Variants in GRM6 observed in about 807,000 individuals in gnomAD.
GRM6 encodes the protein glutamate metabotropic receptor 6.
GRM6 carries 73 observed loss-of-function variants against 78.4 expected under a neutral mutation model. The ratio of observed to expected loss-of-function variants is 0.93; its 90% CI spans 0.77 to 1.13. The LOEUF is 1.13. GRM6 is among the 50% of genes most tolerant of loss of function. GRM6 has a pLI of 0.00. For synonymous variants in GRM6, 580 were observed against 555.0 expected (o/e 1.05, Z -0.63); for missense variants, 1,251 against 1,256.4 (o/e 1.00, Z 0.07).
Position 178,989,783 on chromosome 5 carries a change from C to T in GRM6, c.1013-378G>A, listed in dbSNP as rs1056109551. ...GAAGATGTAATGGGTGGAGCCTCAG[C>T]AGCCATCTTGTGACTATGAGACCAT... On this transcript the variant is annotated intron_variant, in intron 5 of 10. Coordinates refer to ENST00000517717, the MANE Select transcript of GRM6 (RefSeq NM_000843.4). 8 of 351,644 alleles carry T rather than the reference C, an allele frequency of 2.3e-5. No homozygotes were observed. In the East Asian group the frequency reaches 3.6e-4, roughly 16 times the overall value. The allele number at this position is 351,644 out of a possible 1,614,324, so 21.8% of individuals were successfully genotyped here.
In GRM6 at chr5:178,986,539, C is replaced by T. The variant is rs921855440; in HGVS notation, c.1715G>A (p.Arg572His). Reference protein sequence around the residue: ...MRPTPNHTGCRPTPVVRLSWS... With the variant: ...MRPTPNHTGCHPTPVVRLSWS... ...GCTCAGGCGCACCACAGGTGTGGGG[C>T]GGCAGCCCGTGTGGTTGGGCGTGGG... Residue 572 changes from arginine (R) to histidine (H), a missense_variant, in exon 9 of 11, where the codon CGC (arginine) becomes CAC (histidine). Physicochemically the swap from Arg to His is conservative, Grantham distance 29. Coordinates refer to ENST00000517717, the MANE Select transcript of GRM6 (RefSeq NM_000843.4). 7.5e-6 allele frequency: 12 copies of T among 1,607,444 alleles called. No homozygotes were observed. Among genetic ancestry groups the T allele is most frequent in the African/African-American group, 6.7e-5 (5 of 74,888 alleles).
rs989166177 is a variant in GRM6 at position 178,980,048 on chromosome 5, C to T, written c.*1609G>A. The T allele has an allele frequency of 3.2e-5, 5 of 154,290 alleles. No individual in the cohort carries two copies. Among genetic ancestry groups the T allele is most frequent in the African/African-American group, 4.8e-5 (2 of 41,494 alleles). The allele number at this position is 154,290 out of a possible 1,614,324, so 9.6% of individuals were successfully genotyped here. ...AAATGTGGAGAAGGAGAGTCAGTAG[C>T]GCAACAGAAATGTTTCTCAGAGGAG... On this transcript the variant is annotated 3_prime_UTR_variant, in exon 11 of 11. Transcript: ENST00000517717. The surrounding 1 kb of genome is among the most constrained non-coding windows in gnomAD (Gnocchi z 4.3).
intron 7 of GRM6, 94 bp from the exon 8 acceptor site, chr5:178,987,077 C>T (rs938735736): frequency 6.5e-5 from 85 of 1,304,974 alleles, no homozygotes; most frequent in Non-Finnish European, 8.3e-5. Context: ...AAAGGAGGAG[C>T]TTAACAAGCA....
chr5:178,989,246 C>G lies in GRM6; in HGVS notation c.1153+19G>C. The G allele has an allele frequency of 6.5e-7, 1 of 1,545,920 alleles. No individual in the cohort carries two copies. Among genetic ancestry groups the G allele is most frequent in the Non-Finnish European group, 8.9e-7 (1 of 1,125,032 alleles). On this transcript the variant is annotated intron_variant, in intron 6 of 10. Transcript: ENST00000517717. ...CCCTCCCCACCCTCCCCACCCTCAC[C>G]ACCCTGGGCAGCTCTCACCTGTGCA...
Position 178,989,387 on chromosome 5 carries a change from A to G in GRM6, c.1031T>C (p.Met344Thr), listed in dbSNP as rs781294205. 5.0e-6 allele frequency: 8 copies of G among 1,614,138 alleles called. No homozygotes were observed. The East Asian group carries it at 1.6e-4, about 31-fold the overall frequency. Reference sequence around the variant, plus strand: ...GCGGTTGTTCTCCAGGGATCGAGTCATGAAGTACTGGTCAAATCCTACAGA... The same window carrying G: ...GCGGTTGTTCTCCAGGGATCGAGTCGTGAAGTACTGGTCAAATCCTACAGA... ...ASIDGFDQYFMTRSLENNRRN... is the reference protein window; with the variant it reads ...ASIDGFDQYFTTRSLENNRRN... The change falls in exon 6 of 11, where the codon ATG becomes ACG. Residue 344 changes from methionine (M) to threonine (T), a missense_variant. Coordinates refer to ENST00000517717, the MANE Select transcript of GRM6 (RefSeq NM_000843.4).
At chr5:178,990,051 GC>G (rs1760644036) in intron 5 of GRM6, 2 of 197,366 alleles carry the variant, frequency 1.0e-5, no homozygotes, top group African/African-American at 4.6e-5. Flanking sequence ...AGGCTAAGAG[GC>G]CCTAGCAGCC....
rs746956679 is a variant in GRM6 at position 178,992,096 on chromosome 5, A to T, written c.505-13T>A. On this transcript the variant is annotated splice_polypyrimidine_tract_variant and intron_variant, in intron 2 of 10. Transcript: ENST00000517717. This position sits in a 1 kb window ranked among gnomAD's most constrained non-coding sequence, Gnocchi z 4.9. The stretch of plus-strand genomic sequence containing the variant: ...TGATCTGGGGTATCTGTGGGGCAGG[A>T]AGGACAGCTGGGCTGTGGATGGAGG... 3.1e-6 allele frequency: 5 copies of T among 1,599,196 alleles called. No individual in the cohort carries two copies. Among genetic ancestry groups the T allele is most frequent in the Non-Finnish European group, 3.4e-6 (4 of 1,167,278 alleles).
At chr5:178,989,538 T>C (rs1432846176) in intron 5 of GRM6, 133 bp from the exon 6 acceptor site, 1 of 1,135,356 alleles carries the variant, frequency 8.8e-7, no homozygotes, top group Non-Finnish European at 1.3e-6. Flanking sequence ...GAACTAGGCA[T>C]GGCCAGGTGA....
Position 178,994,748 on chromosome 5 carries a change from A to G in GRM6, c.197T>C (p.Val66Ala). 1 of 1,437,998 alleles carries G rather than the reference A, an allele frequency of 7.0e-7. No individual in the cohort carries two copies. The highest frequency in any genetic ancestry group is 1.3e-5 in the South Asian group (1 of 76,242). 89.1% of individuals were successfully genotyped at this position (1,437,998 alleles called of 1,614,324 possible). A position where few individuals can be genotyped will look rare whatever the true frequency, so the allele number is the denominator to read the frequency against. The change falls in exon 2 of 11, where the codon GTG becomes GCG. Residue 66 changes from valine to alanine, a missense_variant. Coordinates refer to ENST00000517717, the MANE Select transcript of GRM6 (RefSeq NM_000843.4). ...GTACAGCATGGCCTCCAGCCGGTGC[A>G]CGCCCTGCTCCTTCTTCAGCTGCCC... is the stretch of plus-strand genomic sequence containing the variant. ...ACGQLKKEQG[V>A]HRLEAMLYAL...
At position 178,994,956 on chromosome 5, in the gene GRM6, G is replaced by A; in HGVS notation, c.-12C>T. The A allele has an allele frequency of 8.6e-7, 1 of 1,163,584 alleles. No homozygotes were observed. Among genetic ancestry groups the A allele is most frequent in the Non-Finnish European group, 1.1e-6 (1 of 943,688 alleles). 72.1% of individuals were successfully genotyped at this position (1,163,584 alleles called of 1,614,324 possible). ...CGGGGCCGCGCCATCGGCTCGTCTA[G>A]CGGGCTGCGGGGAGACAGAGGGGCG... is the stretch of plus-strand genomic sequence containing the variant. On this transcript the variant is annotated 5_prime_UTR_variant, in exon 2 of 11. Transcript: ENST00000517717.
In GRM6 at chr5:178,981,522, A is replaced by C; in HGVS notation, c.*135T>G. 1 of 670,542 alleles carries C rather than the reference A, an allele frequency of 1.5e-6. No homozygotes were observed. The highest frequency in any genetic ancestry group is 2.6e-6 in the Non-Finnish European group (1 of 386,146). The allele number at this position is 670,542 out of a possible 1,614,324, so 41.5% of individuals were successfully genotyped here. A position where few individuals can be genotyped will look rare whatever the true frequency, so the allele number is the denominator to read the frequency against. Reference sequence around the variant, plus strand: ...CCAGTTCCTTCTCAAGGCCAGCCCCACCGACGCGGAGCATGGTCTTGGCAA... The same window carrying C: ...CCAGTTCCTTCTCAAGGCCAGCCCCCCCGACGCGGAGCATGGTCTTGGCAA... On this transcript the variant is annotated 3_prime_UTR_variant, in exon 11 of 11. Coordinates refer to ENST00000517717, the MANE Select transcript of GRM6 (RefSeq NM_000843.4). The surrounding 1 kb of genome is among the most constrained non-coding windows in gnomAD (Gnocchi z 5.1).
chr5:178,992,325 G>A lies in GRM6; in HGVS notation c.505-242C>T, dbSNP rs952803951. ...GAATTCCGTGAATGCTGTGCAGGTGGGAGGTATGCAGGGCTGGGGAGAGGG... is the reference window on the plus strand; with the variant it reads ...GAATTCCGTGAATGCTGTGCAGGTGAGAGGTATGCAGGGCTGGGGAGAGGG... On this transcript the variant is annotated intron_variant, in intron 2 of 10. Coordinates refer to ENST00000517717, the MANE Select transcript of GRM6 (RefSeq NM_000843.4). The surrounding 1 kb of genome is among the most constrained non-coding windows in gnomAD (Gnocchi z 4.9). 17 of 652,016 alleles carry A rather than the reference G, an allele frequency of 2.6e-5. No individual in the cohort carries two copies. Among genetic ancestry groups the A allele is most frequent in the Non-Finnish European group, 4.3e-5 (15 of 351,834 alleles). The allele number at this position is 652,016 out of a possible 1,614,324, so 40.4% of individuals were successfully genotyped here.
chr5:178,984,283 C>T (rs550566444), intron 9 of GRM6, among the ~76,000 whole-genome samples: 11 of 104,074 alleles, frequency 1.1e-4, no homozygotes, highest in South Asian at 2.9e-4. Context: ...GAGTGGGGAG[C>T]GAGCGAGCAC....
In GRM6 at chr5:178,990,595, C is replaced by T. The variant is rs375765382; in HGVS notation, c.1009G>A (p.Asp337Asn). 35 of 1,612,522 alleles carry T rather than the reference C, an allele frequency of 2.2e-5. No individual in the cohort carries two copies. The highest frequency in any genetic ancestry group is 2.8e-5 in the Non-Finnish European group (33 of 1,179,454). ...ITILPKRASI[D>N]GFDQYFMTRS... ...GATGGAGTGCCCCTGGACTCACCGTCGATGGAGGCCCTTTTGGGCAGGATG... is the reference window on the plus strand; with the variant it reads ...GATGGAGTGCCCCTGGACTCACCGTTGATGGAGGCCCTTTTGGGCAGGATG... Residue 337 changes from aspartate to asparagine, a missense_variant, in exon 5 of 11, where the codon GAC becomes AAC. Transcript: ENST00000517717.
Position 178,982,906 on chromosome 5 carries a change from T to C in GRM6, c.2436+4A>G, listed in dbSNP as rs1042535239. The C allele has an allele frequency of 1.2e-6, 2 of 1,610,894 alleles. No individual in the cohort carries two copies. The highest frequency in any genetic ancestry group is 1.3e-5 in the African/African-American group (1 of 74,888). On this transcript the variant is annotated splice_donor_region_variant and intron_variant, in intron 10 of 10. Transcript: ENST00000517717. ...GCAGCGAGACCTCCTGGGGACCTCA[T>C]TACCTTTTCAGCTGACTGGGCAGTG...
Position 178,991,965 on chromosome 5 carries a change from A to AC in GRM6, c.622dup (p.Val208GlyfsTer24). The AC allele has an allele frequency of 6.2e-7, 1 of 1,614,104 alleles. No individual in the cohort carries two copies. Among genetic ancestry groups the AC allele is most frequent in the Non-Finnish European group, 8.5e-7 (1 of 1,179,990 alleles). On this transcript the variant is annotated frameshift_variant, in exon 3 of 11. Transcript: ENST00000517717. LOFTEE classifies it high-confidence loss of function. The surrounding 1 kb of genome is among the most constrained non-coding windows in gnomAD (Gnocchi z 5.0). ...CACATAGTTCCATCCCAGTGCCCTC[A>AC]CGATGTCCACCATGGCCTGCGCCTG...
Position 178,994,894 on chromosome 5 carries a change from C to A in GRM6, c.51G>T (p.Pro17=), listed in dbSNP as rs763973168. Residue 17 remains proline, a synonymous_variant, in exon 2 of 11, where the codon CCG becomes CCT. Coordinates refer to ENST00000517717, the MANE Select transcript of GRM6 (RefSeq NM_000843.4). Reference sequence around the variant, plus strand: ...GGCCCGCCTGCGCCAGCCACGCCAGCGGCAGCAGCGCCACGAGCAGCGGCT... The same window carrying A: ...GGCCCGCCTGCGCCAGCCACGCCAGAGGCAGCAGCGCCACGAGCAGCGGCT... ...AREPLLVALL[P]LAWLAQAGLA... 10 of 1,207,402 alleles carry A rather than the reference C, an allele frequency of 8.3e-6. 1 individual carries two copies. In the South Asian group the frequency reaches 2.5e-4, roughly 30 times the overall value. 74.8% of individuals were successfully genotyped at this position (1,207,402 alleles called of 1,614,324 possible). A position where few individuals can be genotyped will look rare whatever the true frequency, so the allele number is the denominator to read the frequency against.
Position 178,983,030 on chromosome 5 carries a change from G to A in GRM6, c.2316C>T (p.Ala772=), listed in dbSNP as rs1441542845. ...CGTTGAAGGTCTCGGGCACGCCACGGGCCTTGATGGCGTACACTGTGCACG... is the reference window on the plus strand; with the variant it reads ...CGTTGAAGGTCTCGGGCACGCCACGAGCCTTGATGGCGTACACTGTGCACG... The part of the protein sequence containing the change: ...MVTCTVYAIK[A]RGVPETFNEA... The change falls in exon 10 of 11, where the codon GCC becomes GCT. Residue 772 remains alanine (A), a synonymous_variant. Coordinates refer to ENST00000517717, the MANE Select transcript of GRM6 (RefSeq NM_000843.4). The A allele has an allele frequency of 1.9e-6, 3 of 1,613,892 alleles. No homozygotes were observed. In the Admixed American group the frequency reaches 5.0e-5, roughly 27 times the overall value.
Position 178,992,964 on chromosome 5 carries a change from C to G in GRM6, c.505-881G>C, listed in dbSNP as rs902024285. The stretch of plus-strand genomic sequence containing the variant: ...AGGAGACCGAGAGACGAGAAAGGCC[C>G]AGTGGCCACAGCTCAGTGAATAATG... On this transcript the variant is annotated intron_variant, in intron 2 of 10. Transcript: ENST00000517717. The surrounding 1 kb of genome is among the most constrained non-coding windows in gnomAD (Gnocchi z 4.9). Among the ~76,000 whole-genome samples the G allele has an allele frequency of 1.3e-4, 20 of 152,020 alleles. No homozygotes were observed. Among genetic ancestry groups the G allele is most frequent in the Admixed American group, 1.1e-3 (17 of 15,274 alleles).
Sources: gnomAD v4.1 joint callset for allele counts (sites outside exome capture counted in the v4.1 genomes callset) on GRCh38, gnomAD v4.1.1 for gene constraint, Gnocchi (gnomAD v3.1) non-coding constraint, MANE v1.5 for transcripts, NCBI Gene and HGNC (gene_info 2026-07-23, HGNC 2026-07-21) for gene names.